ACTN1: variants seen among roughly 807,000 people sequenced by gnomAD.
ACTN1 encodes the protein actinin alpha 1.
ACTN1 carries 30 observed loss-of-function variants against 119.6 expected under a neutral mutation model. The ratio of observed to expected loss-of-function variants is 0.25; its 90% CI spans 0.19 to 0.34. The LOEUF is 0.34. Among genes scored for constraint, ACTN1 ranks in the 10% least tolerant of loss-of-function variants. The pLI is 1.00. For missense variants in ACTN1, 764 were observed against 1,223.4 expected (o/e 0.62, Z 5.60); for synonymous variants, 429 against 472.6 (o/e 0.91, Z 1.20).
At chr14:68,936,500 C>CT (rs66604725) in intron 1 of ACTN1, 4,055 of 249,362 alleles carry the variant, frequency 0.016, no homozygotes, top group South Asian at 0.028. Context: ...CTGTCATTAC[C>CT]TTTTTTTTTT....
In ACTN1 at chr14:68,885,529, G is replaced by A. The variant is rs141628452; in HGVS notation, c.1281C>T (p.Leu427=). The change falls in exon 12 of 22, where the codon CTC becomes CTT. Residue 427 remains leucine, a synonymous_variant. Coordinates refer to ENST00000394419, the MANE Select transcript of ACTN1 (RefSeq NM_001130004.2). The surrounding 1 kb of genome is among the most constrained non-coding windows in gnomAD (Gnocchi z 5.6). Reference sequence around the variant, plus strand: ...TCTTGAGCAGGGCCTTGATCTCCGAGAGGGTGGCGGTCTCATAGTCCTTCT... The same window carrying A: ...TCTTGAGCAGGGCCTTGATCTCCGAAAGGGTGGCGGTCTCATAGTCCTTCT... The part of the protein sequence containing the change: ...LRQKDYETAT[L]SEIKALLKKH... 41 of 1,613,970 alleles carry A rather than the reference G, an allele frequency of 2.5e-5. No homozygotes were observed. The highest frequency in any genetic ancestry group is 3.2e-5 in the Non-Finnish European group (38 of 1,180,032).
At chr14:68,903,705 G>C (rs1367117828) in intron 7 of ACTN1, among the ~76,000 whole-genome samples, 2 of 152,160 alleles carry the variant, frequency 1.3e-5, no homozygotes, top group African/African-American at 4.8e-5. Flanking sequence ...CCTCCCAAGG[G>C]GCAAGCGCGG....
At chr14:68,929,823 C>T (rs1442031511) in intron 1 of ACTN1, among the ~76,000 whole-genome samples, 2 of 152,302 alleles carry the variant, frequency 1.3e-5, no homozygotes, top group Non-Finnish European at 2.9e-5. Flanking sequence ...TCAATGACCT[C>T]GAAGCCACTG....
rs550093150 is a variant in ACTN1, at chr14:68,961,558, G to A, written c.105+17394C>T. ...CAGGCCGCCACACGGGGCACAGGGC[G>A]CGGGGGCACGGGGGTGGGCTATAGG... is the stretch of plus-strand genomic sequence containing the variant. On this transcript the variant is annotated intron_variant, in intron 1 of 21. Coordinates refer to ENST00000394419, the MANE Select transcript of ACTN1 (RefSeq NM_001130004.2). 7.2e-5 allele frequency among the ~76,000 whole-genome samples: 11 copies of A among 152,116 alleles called. No individual in the cohort carries two copies. In the East Asian group the frequency reaches 1.9e-3, roughly 27 times the overall value.
At chr14:68,950,280 G>GTC (rs1344479766) in intron 1 of ACTN1, among the ~76,000 whole-genome samples, 1 of 127,040 alleles carries the variant, frequency 7.9e-6, no homozygotes, top group Admixed American at 8.1e-5. Context: ...GGGTGACAGA[G>GTC]TGAGTTGTTG....
chr14:68,877,442 C>G, intron 20 of ACTN1: 1 of 566,886 alleles, frequency 1.8e-6, no homozygotes, highest in South Asian at 2.4e-5. Flanking sequence ...TCCCCACACC[C>G]TGCAGATGCC....
intron 8 of ACTN1, among the ~76,000 whole-genome samples, chr14:68,902,220 C>T (rs2033388396): frequency 1.3e-5 from 2 of 152,320 alleles, no homozygotes; most frequent in South Asian, 4.1e-4. Flanking sequence ...CCTGCTTAAG[C>T]CAGTCATCTG....
chr14:68,929,298 AG>A (rs906310695), intron 1 of ACTN1, among the ~76,000 whole-genome samples: 1 of 152,106 alleles, frequency 6.6e-6, no homozygotes, highest in Non-Finnish European at 1.5e-5. Context: ...GCAGTGCTCC[AG>A]GGGTCCAGCA....
At position 68,881,955 on chromosome 14, in the gene ACTN1, T is replaced by TTTTGA. The variant is rs58500225; in HGVS notation, c.1953+502_1953+503insTCAAA. On this transcript the variant is annotated intron_variant, in intron 16 of 21. Transcript: ENST00000394419. ...CAGCTTCTTTTTTTTTTTTTTTTTT[T>TTTTGA]GACAGAGTCTTGCTCTGTTGCCCAA... 2.0e-4 allele frequency among the ~76,000 whole-genome samples: 21 copies of TTTTGA among 102,982 alleles called. 4 individuals are homozygous for TTTTGA. The highest frequency in any genetic ancestry group is 5.2e-4 in the African/African-American group (12 of 22,906). The allele number at this position is 102,982 out of a possible 152,430, so 67.6% of individuals were successfully genotyped here. A position where few individuals can be genotyped will look rare whatever the true frequency, so the allele number is the denominator to read the frequency against.
chr14:68,937,452 G>C (rs992738465), intron 1 of ACTN1, among the ~76,000 whole-genome samples: 8 of 152,002 alleles, frequency 5.3e-5, no homozygotes, highest in Non-Finnish European at 1.0e-4. Context: ...ATGAGTTTGA[G>C]AATAAAATAA....
chr14:68,933,844 G>A (rs568417787), intron 1 of ACTN1, among the ~76,000 whole-genome samples: 117 of 152,176 alleles, frequency 7.7e-4, no homozygotes, highest in Non-Finnish European at 1.4e-3. Flanking sequence ...AAGCATGGTG[G>A]TACACACCTG....
In ACTN1 at chr14:68,912,680, A is replaced by G. The variant is rs77593018; in HGVS notation, c.341-438T>C. Among the ~76,000 whole-genome samples, 192 of 152,270 alleles carry G rather than the reference A, an allele frequency of 1.3e-3. 1 individual carries two copies. The East Asian group carries it at 0.034, about 27-fold the overall frequency. On this transcript the variant is annotated intron_variant, in intron 3 of 21. Transcript: ENST00000394419. Reference sequence around the variant, plus strand: ...GCATGAGCTACCATGCCTGGCCTGGATGTTTCTTAAAGTTAATGCAATAAA... The same window carrying G: ...GCATGAGCTACCATGCCTGGCCTGGGTGTTTCTTAAAGTTAATGCAATAAA...
chr14:68,958,782 G>A (rs558924391), intron 1 of ACTN1, among the ~76,000 whole-genome samples: 1 of 152,318 alleles, frequency 6.6e-6, no homozygotes, highest in East Asian at 1.9e-4. Flanking sequence ...CAGGGCGTGA[G>A]GCAGCTGGTA....
intron 1 of ACTN1, 36 bp downstream of exon 1, chr14:68,978,916 G>A: frequency 2.8e-6 from 4 of 1,429,828 alleles, no homozygotes; most frequent in Non-Finnish European, 3.8e-6. Context: ...GGGGGCTGGG[G>A]GCTGGGGGCT....
chr14:68,961,421 C>G (rs2036535310), intron 1 of ACTN1, among the ~76,000 whole-genome samples: 1 of 152,252 alleles, frequency 6.6e-6, no homozygotes, highest in African/African-American at 2.4e-5. Context: ...TCATTTTTCT[C>G]CCCTAACTTA....
At chr14:68,903,602 T>G (rs192505244) in intron 7 of ACTN1, among the ~76,000 whole-genome samples, 7 of 151,644 alleles carry the variant, frequency 4.6e-5, no homozygotes, top group African/African-American at 1.7e-4. Flanking sequence ...ACCGTGGTCT[T>G]TTCCTGTCTC....
chr14:68,978,362 G>C, intron 1 of ACTN1: 1 of 381,318 alleles, frequency 2.6e-6, no homozygotes, highest in Middle Eastern at 4.9e-4. Flanking sequence ...ACGCCCCCCA[G>C]TTTTCTCGTC....
At chr14:68,907,514 A>G (rs2033737449) in intron 6 of ACTN1, among the ~76,000 whole-genome samples, 1 of 152,214 alleles carries the variant, frequency 6.6e-6, no homozygotes, top group Non-Finnish European at 1.5e-5. Context: ...CAGTGAGTGG[A>G]GATCACGCCA....
Position 68,874,851 on chromosome 14 carries a change from G to T in ACTN1, c.*8C>A. The T allele has an allele frequency of 1.3e-6, 2 of 1,565,578 alleles. No homozygotes were observed. Among genetic ancestry groups the T allele is most frequent in the Non-Finnish European group, 1.7e-6 (2 of 1,148,444 alleles). ...GCGCACAAGACGAGGGCGGCCGGGC[G>T]GGGTGGATTAGAGGTCACTCTCGCC... On this transcript the variant is annotated 3_prime_UTR_variant, in exon 22 of 22. Coordinates refer to ENST00000394419, the MANE Select transcript of ACTN1 (RefSeq NM_001130004.2).
Sources: gnomAD v4.1 joint callset for allele counts (sites outside exome capture counted in the v4.1 genomes callset) on GRCh38, gnomAD v4.1.1 for gene constraint, Gnocchi (gnomAD v3.1) non-coding constraint, MANE v1.5 for transcripts, NCBI Gene and HGNC (gene_info 2026-07-23, HGNC 2026-07-21) for gene names.